RBL2: variants seen among roughly 807,000 people sequenced by gnomAD.
RBL2 encodes RB transcriptional corepressor like 2.
A neutral mutation model predicts 126.0 loss-of-function variants in RBL2; 56 were observed. The ratio of observed to expected loss-of-function variants is 0.44; its 90% CI spans 0.36 to 0.56. The LOEUF (loss-of-function observed/expected upper bound fraction) is 0.56, where lower values mean the gene tolerates loss of function less well. Among genes scored for constraint, RBL2 ranks in the 20% least tolerant of loss-of-function variants. RBL2 has a pLI of 0.00. For synonymous variants in RBL2, 454 were observed against 478.5 expected (o/e 0.95, Z 0.67); for missense variants, 1,229 against 1,398.2 (o/e 0.88, Z 1.93).
At chr16:53,482,236 AT>A (rs1276612693) in intron 21 of RBL2, among the ~76,000 whole-genome samples, 3 of 152,186 alleles carry the variant, frequency 2.0e-5, no homozygotes, top group African/African-American at 7.2e-5. Context: ...AGAAGTTGAC[AT>A]TTTTGACATT....
At chr16:53,485,025 CAA>C (rs1961108814) in intron 21 of RBL2, among the ~76,000 whole-genome samples, 1 of 150,316 alleles carries the variant, frequency 6.7e-6, no homozygotes, top group South Asian at 2.1e-4. Context: ...AACTGGTAGT[CAA>C]GAGATTTCAA....
At chr16:53,484,293 T>C (rs17193155) in intron 21 of RBL2, among the ~76,000 whole-genome samples, 5,795 of 152,148 alleles carry the variant, frequency 0.038, 158 homozygotes, top group Non-Finnish European at 0.055. Context: ...AGCAGATGAA[T>C]TGGAATGATA....
chr16:53,474,741 A>G (rs1265699220), intron 17 of RBL2, among the ~76,000 whole-genome samples: 2 of 152,208 alleles, frequency 1.3e-5, no homozygotes, highest in East Asian at 3.8e-4. Context: ...AAGGAATTTT[A>G]TCCTTATGCA....
At chr16:53,448,166 T>A (rs1450792675) in intron 4 of RBL2, among the ~76,000 whole-genome samples, 1 of 4,148 alleles carries the variant, frequency 2.4e-4, no homozygotes, top group South Asian at 5.2e-3. Context: ...CTTTATTTTA[T>A]TTTTTTTTTG....
At chr16:53,484,941 C>T (rs1376361911) in intron 21 of RBL2, among the ~76,000 whole-genome samples, 1 of 149,980 alleles carries the variant, frequency 6.7e-6, no homozygotes, top group African/African-American at 2.5e-5. Flanking sequence ...GATTTCAGAG[C>T]AAAAAATATT....
chr16:53,478,908 C>G (rs1183058742), intron 17 of RBL2: 4 of 424,958 alleles, frequency 9.4e-6, no homozygotes, highest in African/African-American at 8.2e-5. Flanking sequence ...AGGTGTGAAC[C>G]ACCGCACCTG....
chr16:53,485,748 C>CGGGA (rs1961140597), intron 21 of RBL2, among the ~76,000 whole-genome samples: 1 of 151,878 alleles, frequency 6.6e-6, no homozygotes, highest in East Asian at 1.9e-4. Flanking sequence ...TCCAGCTACT[C>CGGGA]CGGAGGATAA....
chr16:53,474,300 CTTTTA>C (rs1452875257), intron 17 of RBL2, among the ~76,000 whole-genome samples: 2 of 119,382 alleles, frequency 1.7e-5, no homozygotes, highest in Admixed American at 8.0e-5. Context: ...TGCTGTAATT[CTTTTA>C]TTTATTTATT....
At chr16:53,478,839 C>T (rs1185294162) in intron 17 of RBL2, 11 of 237,006 alleles carry the variant, frequency 4.6e-5, no homozygotes, top group Non-Finnish European at 8.2e-6. Context: ...CCAGGCTGGT[C>T]TTGAACTCGT....
chr16:53,464,691 AT>A, intron 12 of RBL2: 1 of 178,256 alleles, frequency 5.6e-6, no homozygotes, highest in Non-Finnish European at 1.2e-5. Context: ...GCCTTTTTTT[AT>A]TTTATGAAAA....
chr16:53,460,292 A>G lies in RBL2; in HGVS notation c.1346+675A>G, dbSNP rs555160948. Among the ~76,000 whole-genome samples, 6 of 152,336 alleles carry G rather than the reference A, an allele frequency of 3.9e-5. No homozygotes were observed. In the East Asian group the frequency reaches 7.7e-4, roughly 20 times the overall value. ...TATGATATGATAACGTAGACCCAAA[A>G]GGACCCCATTTTATTTCTGATGATG... On this transcript the variant is annotated intron_variant, in intron 9 of 21. Transcript: ENST00000262133.
At chr16:53,453,286 A>AT (rs2058133262) in intron 5 of RBL2, among the ~76,000 whole-genome samples, 166 bp from the exon 6 acceptor site, 1 of 152,140 alleles carries the variant, frequency 6.6e-6, no homozygotes, top group African/African-American at 2.4e-5. Flanking sequence ...TCTATTTGCC[A>AT]TTTTTTGACA....
chr16:53,470,141 C>G lies in RBL2; in HGVS notation c.2201C>G (p.Thr734Ser), dbSNP rs766501197. The change falls in exon 15 of 22, where the codon ACT becomes AGT. Residue 734 changes from threonine (T) to serine (S), a missense_variant. Around this residue, in one of 2 missense-constraint regions of RBL2, gnomAD observed 1,070 missense variants for 1,274.3 expected, o/e 0.84. Transcript: ENST00000262133. Reference sequence around the variant, plus strand: ...ACTTTGGTCACCATGGCAACCGCCACTGTCACAGCCAACAATGGGCAAACG... The same window carrying G: ...ACTTTGGTCACCATGGCAACCGCCAGTGTCACAGCCAACAATGGGCAAACG... ...GQTLVTMATA[T>S]VTANNGQTVT... 2 of 1,613,180 alleles carry G rather than the reference C, an allele frequency of 1.2e-6. No individual in the cohort carries two copies. Among genetic ancestry groups the G allele is most frequent in the East Asian group, 2.2e-5 (1 of 44,854 alleles).
intron 21 of RBL2, among the ~76,000 whole-genome samples, chr16:53,483,378 T>TA (rs796579956): frequency 2.4e-4 from 37 of 152,184 alleles, no homozygotes; most frequent in African/African-American, 8.2e-4. Flanking sequence ...TCAGGCAACA[T>TA]AAGACCCCAT....
chr16:53,469,472 A>G (rs562474415), intron 14 of RBL2, among the ~76,000 whole-genome samples: 2 of 152,332 alleles, frequency 1.3e-5, no homozygotes, highest in Admixed American at 6.5e-5. Flanking sequence ...CATACTACCA[A>G]TCAGGTCCCC....
intron 21 of RBL2, chr16:53,488,350 T>C (rs756376518): frequency 1.3e-5 from 2 of 152,212 alleles, no homozygotes; most frequent in African/African-American, 2.4e-5. Context: ...GGCAAAACTA[T>C]TGGACAAGAA....
intron 17 of RBL2, among the ~76,000 whole-genome samples, chr16:53,472,580 C>T (rs1220581178): frequency 6.6e-6 from 1 of 152,040 alleles, no homozygotes; most frequent in Non-Finnish European, 1.5e-5. Context: ...AATCCTTTGC[C>T]CATTTTAAAA....
intron 21 of RBL2, 52 bp from the exon 22 acceptor site, chr16:53,490,078 T>TG (rs1961352510): frequency 4.4e-6 from 6 of 1,366,388 alleles, no homozygotes; most frequent in Non-Finnish European, 5.9e-6. Context: ...GACTTAATAC[T>TG]GAGCTATGTG....
In RBL2 at chr16:53,473,465, G is replaced by A. The variant is rs558146317; in HGVS notation, c.2703+2543G>A. On this transcript the variant is annotated intron_variant, in intron 17 of 21. Coordinates refer to ENST00000262133, the MANE Select transcript of RBL2 (RefSeq NM_005611.4). ...CAAGTGTAGTTGTTTCATTGTTAAC[G>A]TGTTCATTGCAAGTGTATAGAAAAA... Among the ~76,000 whole-genome samples, 553 of 149,382 alleles carry A rather than the reference G, an allele frequency of 3.7e-3. 9 individuals carry two copies. Among genetic ancestry groups the A allele is most frequent in the African/African-American group, 0.013 (522 of 40,416 alleles).
Sources: allele counts gnomAD v4.1 joint callset (sites outside exome capture counted in the v4.1 genomes callset), GRCh38; gene constraint gnomAD v4.1.1; regional missense constraint gnomAD v4.1.1; transcripts MANE v1.5; gene names NCBI Gene and HGNC (gene_info 2026-07-23, HGNC 2026-07-21).